The following RETREG1 variants were observed in gnomAD, a reference collection of about 807,000 sequenced individuals.
RETREG1 encodes the protein reticulophagy regulator 1, also known as family with sequence similarity 134 member B.
A neutral mutation model predicts 54.8 loss-of-function variants in RETREG1; 44 were observed. That is an observed-to-expected ratio of 0.80 (90% CI 0.63 to 1.03). The LOEUF is 1.03. Ranked by LOEUF, RETREG1 falls within the 50% of genes least tolerant of loss-of-function variation. The pLI is 0.00. For missense variants in RETREG1, 554 were observed against 605.1 expected (o/e 0.92, Z 0.89); for synonymous variants, 217 against 238.5 (o/e 0.91, Z 0.83).
At chr5:16,501,481 C>T (rs759103064) in intron 3 of RETREG1, among the ~76,000 whole-genome samples, 6 of 152,172 alleles carry the variant, frequency 3.9e-5, no homozygotes, top group East Asian at 1.9e-4. Context: ...CAAGCGACTA[C>T]GCATCATTCT....
chr5:16,528,638 T>G (rs1204673501), intron 3 of RETREG1, among the ~76,000 whole-genome samples: 1 of 152,200 alleles, frequency 6.6e-6, no homozygotes, highest in African/African-American at 2.4e-5. Context: ...AGGTGGGATA[T>G]GTGCAAGAAG....
intron 1 of RETREG1, among the ~76,000 whole-genome samples, chr5:16,611,239 C>CA (rs1275445442): frequency 6.6e-6 from 1 of 152,174 alleles, no homozygotes; most frequent in Non-Finnish European, 1.5e-5. Flanking sequence ...GAACATCACA[C>CA]ACCAGGGCCT....
intron 1 of RETREG1, among the ~76,000 whole-genome samples, chr5:16,583,115 T>C (rs936598617): frequency 6.6e-6 from 1 of 152,064 alleles, no homozygotes; most frequent in Non-Finnish European, 1.5e-5. Flanking sequence ...TGTGGACAAT[T>C]TACACGATGA....
intron 3 of RETREG1, among the ~76,000 whole-genome samples, chr5:16,500,323 A>T (rs1330954126): frequency 6.6e-6 from 1 of 152,178 alleles, no homozygotes; most frequent in Non-Finnish European, 1.5e-5. Flanking sequence ...TGGGATTCAG[A>T]GACAGCAGGT....
chr5:16,544,217 C>A (rs1741329390), intron 3 of RETREG1, among the ~76,000 whole-genome samples: 1 of 152,112 alleles, frequency 6.6e-6, no homozygotes, highest in South Asian at 2.1e-4. Context: ...CTCAGGTGAT[C>A]CGCCTGCCTC....
chr5:16,586,438 G>A (rs1265690183), intron 1 of RETREG1, among the ~76,000 whole-genome samples: 2 of 152,074 alleles, frequency 1.3e-5, no homozygotes, highest in Admixed American at 6.6e-5. Flanking sequence ...TCCTAAAACT[G>A]CCTCATCATC....
intron 3 of RETREG1, among the ~76,000 whole-genome samples, chr5:16,562,580 A>C (rs1328911720): frequency 6.6e-6 from 1 of 152,142 alleles, no homozygotes; most frequent in Non-Finnish European, 1.5e-5. Flanking sequence ...CCTGACAAAC[A>C]CTACTTCAGT....
At chr5:16,550,785 G>A (rs182190484) in intron 3 of RETREG1, among the ~76,000 whole-genome samples, 2 of 152,348 alleles carry the variant, frequency 1.3e-5, no homozygotes, top group East Asian at 1.9e-4. Context: ...ATAGTATTCA[G>A]CCATGGAAAG....
chr5:16,514,395 T>G (rs1740279081), intron 3 of RETREG1, among the ~76,000 whole-genome samples: 1 of 152,238 alleles, frequency 6.6e-6, no homozygotes, highest in South Asian at 2.1e-4. Context: ...TCACGCCACC[T>G]GCGTGAGGTT....
At chr5:16,506,010 C>T (rs1329613544) in intron 3 of RETREG1, among the ~76,000 whole-genome samples, 1 of 152,218 alleles carries the variant, frequency 6.6e-6, no homozygotes, top group Non-Finnish European at 1.5e-5. Flanking sequence ...AGATAAACCA[C>T]AAGGAGGGGG....
intron 3 of RETREG1, among the ~76,000 whole-genome samples, chr5:16,512,082 C>T (rs1445498579): frequency 6.6e-6 from 1 of 152,220 alleles, no homozygotes; most frequent in Non-Finnish European, 1.5e-5. Flanking sequence ...ATGGCTTCTT[C>T]ACCCAGATGG....
intron 3 of RETREG1, among the ~76,000 whole-genome samples, chr5:16,530,933 T>C (rs1295214753): frequency 6.6e-6 from 1 of 152,140 alleles, no homozygotes; most frequent in Non-Finnish European, 1.5e-5. Flanking sequence ...TATAATGATC[T>C]TTCCTTTCTC....
intron 8 of RETREG1, among the ~76,000 whole-genome samples, chr5:16,475,700 T>A (rs934846384): frequency 6.6e-6 from 1 of 152,186 alleles, no homozygotes; most frequent in Non-Finnish European, 1.5e-5. Context: ...TACATAGAGA[T>A]CTATTTCAGT....
chr5:16,510,893 A>T (rs1740154473), intron 3 of RETREG1, among the ~76,000 whole-genome samples: 1 of 150,250 alleles, frequency 6.7e-6, no homozygotes, highest in African/African-American at 2.4e-5. Context: ...AGCTCTGATC[A>T]TTCTAACCCA....
intron 3 of RETREG1, among the ~76,000 whole-genome samples, chr5:16,522,727 G>A (rs1352600008): frequency 6.6e-6 from 1 of 152,034 alleles, no homozygotes; most frequent in Non-Finnish European, 1.5e-5. Context: ...TATTGGGGCC[G>A]GGTGCAGTGG....
rs745408426 is a variant in RETREG1, at chr5:16,565,840, C to T, written c.428-47G>A. 7 of 1,597,594 alleles carry T rather than the reference C, an allele frequency of 4.4e-6. No homozygotes were observed. The African/African-American group carries it at 5.4e-5, about 12-fold the overall frequency. On this transcript the variant is annotated intron_variant, in intron 2 of 8. Transcript: ENST00000306320. Reference sequence around the variant, plus strand: ...TGTGAAACTTAACAGAGGTATTTTTCTCCTGAAATATTTCTCAACTCTGAA... The same window carrying T: ...TGTGAAACTTAACAGAGGTATTTTTTTCCTGAAATATTTCTCAACTCTGAA...
At chr5:16,545,745 A>G (rs1018559248) in intron 3 of RETREG1, among the ~76,000 whole-genome samples, 2 of 152,136 alleles carry the variant, frequency 1.3e-5, no homozygotes, top group African/African-American at 2.4e-5. Flanking sequence ...CAGCTTCCAT[A>G]AGATGCCCCA....
chr5:16,572,505 G>A (rs1011916469), intron 1 of RETREG1, among the ~76,000 whole-genome samples: 1 of 152,168 alleles, frequency 6.6e-6, no homozygotes, highest in African/African-American at 2.4e-5. Flanking sequence ...GAGCCACTGT[G>A]CCTGGCATGA....
intron 3 of RETREG1, among the ~76,000 whole-genome samples, chr5:16,523,790 A>C (rs1304143752): frequency 6.6e-6 from 1 of 152,022 alleles, no homozygotes; most frequent in Admixed American, 6.5e-5. Context: ...CAATTTATTA[A>C]TACTTATTTG....
Sources: allele counts gnomAD v4.1 joint callset (sites outside exome capture counted in the v4.1 genomes callset), GRCh38; gene constraint gnomAD v4.1.1; transcripts MANE v1.5; gene names NCBI Gene and HGNC (gene_info 2026-07-23, HGNC 2026-07-21).